The following POU2F1 variants were observed in gnomAD, a reference collection of about 807,000 sequenced individuals.
POU2F1 encodes the protein POU domain, class 2, transcription factor 1.
A neutral mutation model predicts 84.9 loss-of-function variants in POU2F1; 16 were observed. The ratio of observed to expected loss-of-function variants is 0.19; its 90% CI spans 0.13 to 0.29. The LOEUF is 0.29. POU2F1 is among the 10% of genes least tolerant of loss of function. The pLI, the probability that POU2F1 is intolerant of heterozygous loss-of-function variation, is 1.00. For synonymous variants in POU2F1, 368 were observed against 368.3 expected (o/e 1.00, Z 0.01); for missense variants, 738 against 942.6 (o/e 0.78, Z 2.84).
intron 1 of POU2F1, among the ~76,000 whole-genome samples, chr1:167,330,691 T>A (rs1278259367): frequency 6.6e-6 from 1 of 152,140 alleles, no homozygotes; most frequent in Admixed American, 6.5e-5. Context: ...TCTTGACAGT[T>A]CAGTAGAAGA....
chr1:167,403,078 C>T (rs1438921593), intron 13 of POU2F1, among the ~76,000 whole-genome samples: 1 of 152,182 alleles, frequency 6.6e-6, no homozygotes, highest in Non-Finnish European at 1.5e-5. Flanking sequence ...CTTCTTACCA[C>T]TCACATTTTC....
At chr1:167,303,740 G>A (rs963664717) in intron 1 of POU2F1, among the ~76,000 whole-genome samples, 2 of 152,024 alleles carry the variant, frequency 1.3e-5, no homozygotes, top group Admixed American at 1.3e-4. Flanking sequence ...TTGATATGAT[G>A]GAGTGATGCT....
rs1367913479 is a variant in POU2F1 at position 167,406,834 on chromosome 1, A to G, written c.1556-5125A>G. ...GTGTAAGACTTGAACAATGAAAACT[A>G]CAATTTGCTGAAAGAAGTTAAAAGA... On this transcript the variant is annotated intron_variant, in intron 13 of 15. Transcript: ENST00000367866. Among the ~76,000 whole-genome samples, 5 of 152,054 alleles carry G rather than the reference A, an allele frequency of 3.3e-5. No individual in the cohort carries two copies. The East Asian group carries it at 9.6e-4, about 29-fold the overall frequency.
intron 2 of POU2F1, among the ~76,000 whole-genome samples, chr1:167,354,151 A>G (rs1312448126): frequency 6.6e-6 from 1 of 152,160 alleles, no homozygotes; most frequent in East Asian, 1.9e-4. Flanking sequence ...ACTACATTAG[A>G]ATGTTTGTTT....
At chr1:167,386,208 G>T (rs1433395852) in intron 8 of POU2F1, among the ~76,000 whole-genome samples, 1 of 152,062 alleles carries the variant, frequency 6.6e-6, no homozygotes, top group African/African-American at 2.4e-5. Context: ...GGGGGGTGAG[G>T]GGGAGGCAAG....
At chr1:167,296,141 A>G (rs893916413) in intron 1 of POU2F1, among the ~76,000 whole-genome samples, 9 of 152,118 alleles carry the variant, frequency 5.9e-5, no homozygotes, top group Non-Finnish European at 1.0e-4. Flanking sequence ...TTTGGAGTTC[A>G]TCCATTGAGC....
intron 1 of POU2F1, among the ~76,000 whole-genome samples, chr1:167,305,057 T>G (rs1002546165): frequency 6.6e-6 from 1 of 152,190 alleles, no homozygotes; most frequent in African/African-American, 2.4e-5. Context: ...ATGTCTGAGT[T>G]TGCCAAAACC....
intron 7 of POU2F1, 55 bp from the exon 8 acceptor site, chr1:167,383,802 C>A (rs1647746998): frequency 2.1e-6 from 3 of 1,453,146 alleles, no homozygotes; most frequent in Non-Finnish European, 2.9e-6. Context: ...CTTTCTTTTG[C>A]CATGTGTTCG....
chr1:167,339,778 C>G (rs1003271015), intron 2 of POU2F1, among the ~76,000 whole-genome samples: 1 of 152,190 alleles, frequency 6.6e-6, no homozygotes, highest in African/African-American at 2.4e-5. Context: ...CATTTTAACT[C>G]TTTTCCATTC....
intron 1 of POU2F1, among the ~76,000 whole-genome samples, chr1:167,244,340 C>T (rs1464130975): frequency 6.6e-6 from 1 of 152,196 alleles, no homozygotes; most frequent in Admixed American, 6.5e-5. Flanking sequence ...CTCACTCACA[C>T]AGTTGTTGAC....
At chr1:167,388,526 C>T (rs1648153393) in intron 8 of POU2F1, among the ~76,000 whole-genome samples, 1 of 152,140 alleles carries the variant, frequency 6.6e-6, no homozygotes, top group African/African-American at 2.4e-5. Context: ...AACATAAAAA[C>T]TGTCTAGCAA....
intron 1 of POU2F1, among the ~76,000 whole-genome samples, chr1:167,259,397 C>T (rs547334540): frequency 1.1e-4 from 16 of 152,220 alleles, no homozygotes; most frequent in South Asian, 4.1e-4. Context: ...AACCATCTAC[C>T]GCAATTCAGT....
intron 2 of POU2F1, chr1:167,357,365 CCCACCCCCCCCCCA>C (rs1659019665): frequency 1.4e-4 from 1 of 7,144 alleles, no homozygotes; most frequent in East Asian, 0.01. Flanking sequence ...CGCCTCCCCC[CCCACCCCCCCCCCA>C]CCCCCCCCCG....
At chr1:167,364,281 AGCACT>A (rs768216620) in intron 2 of POU2F1, among the ~76,000 whole-genome samples, 1 of 152,080 alleles carries the variant, frequency 6.6e-6, no homozygotes, top group Non-Finnish European at 1.5e-5. Flanking sequence ...CTGTAATCCC[AGCACT>A]TTGGGAGGCC....
At position 167,413,095 on chromosome 1, in the gene POU2F1, T is replaced by G; in HGVS notation, c.1971T>G (p.Ser657Arg). ...TCAGCCCAGCTCTAATGAGCAACAG[T>G]ACACTGGCAACTATTCAAGGTCAGT... ...GALSPALMSN[S>R]TLATIQALAS... Residue 657 changes from serine to arginine, a missense_variant, in exon 15 of 16, where the codon AGT becomes AGG. Physicochemically the swap from Ser to Arg is moderately radical, Grantham distance 110 (BLOSUM62 -1). Around this residue, in one of 4 missense-constraint regions of POU2F1, gnomAD observed 319 missense variants for 386.0 expected, o/e 0.83. Transcript: ENST00000367866. The G allele has an allele frequency of 6.2e-7, 1 of 1,613,644 alleles. No individual in the cohort carries two copies. Among genetic ancestry groups the G allele is most frequent in the Non-Finnish European group, 8.5e-7 (1 of 1,179,562 alleles).
At chr1:167,409,823 C>G (rs1262023920) in intron 13 of POU2F1, among the ~76,000 whole-genome samples, 1 of 152,044 alleles carries the variant, frequency 6.6e-6, no homozygotes, top group Non-Finnish European at 1.5e-5. Context: ...AATTTCAGAA[C>G]TTTGAAAGGG....
At chr1:167,280,625 C>T (rs183104046) in intron 1 of POU2F1, among the ~76,000 whole-genome samples, 2 of 152,124 alleles carry the variant, frequency 1.3e-5, no homozygotes, top group East Asian at 3.9e-4. Context: ...GTTTTGCTTC[C>T]TTTGTTTTGA....
rs1650496812 is a variant in POU2F1 at position 167,419,202 on chromosome 1, T to C, written c.*3392T>C. ...TCAAATTTAACTTTTAGCCACCTTA[T>C]ATGGGAGAGCCTGGAAACTAAAGGG... is the stretch of plus-strand genomic sequence containing the variant. On this transcript the variant is annotated 3_prime_UTR_variant, in exon 16 of 16. Transcript: ENST00000367866. 6.6e-6 allele frequency: 1 copy of C among 152,216 alleles called. No individual in the cohort carries two copies. The highest frequency in any genetic ancestry group is 2.4e-5 in the African/African-American group (1 of 41,462). The allele number at this position is 152,216 out of a possible 1,614,324, so 9.4% of individuals were successfully genotyped here.
chr1:167,407,456 AAG>A (rs1649661382), intron 13 of POU2F1, among the ~76,000 whole-genome samples: 1 of 152,232 alleles, frequency 6.6e-6, no homozygotes, highest in Non-Finnish European at 1.5e-5. Context: ...AATTTTGAGA[AAG>A]AGTGAAATCA....
Sources: allele counts gnomAD v4.1 joint callset (sites outside exome capture counted in the v4.1 genomes callset), GRCh38; gene constraint gnomAD v4.1.1; regional missense constraint gnomAD v4.1.1; transcripts MANE v1.5; gene names NCBI Gene and HGNC (gene_info 2026-07-23, HGNC 2026-07-21).